CD8B2: variants seen among roughly 807,000 people sequenced by gnomAD.
The protein encoded by CD8B2 is T-cell surface glycoprotein CD8 beta-2 chain.
A neutral mutation model predicts 23.7 loss-of-function variants in CD8B2; 11 were observed. That is an observed-to-expected ratio of 0.46 (90% CI 0.29 to 0.77). The LOEUF (loss-of-function observed/expected upper bound fraction) is 0.77, where lower values mean the gene tolerates loss of function less well. Ranked by LOEUF, CD8B2 falls within the 30% of genes least tolerant of loss-of-function variation. The pLI is 0.09. For synonymous variants in CD8B2, 90 were observed against 109.3 expected (o/e 0.82, Z 1.10); for missense variants, 197 against 270.5 (o/e 0.73, Z 1.91).
intron 4 of CD8B2, 135 bp downstream of exon 4, chr2:106,502,698 C>T (rs577711895): frequency 3.5e-5 from 20 of 564,174 alleles, no homozygotes; most frequent in East Asian, 1.6e-4. Context: ...GCGGTATTTC[C>T]GGAGGTAGTT....
chr2:106,527,361 C>A (rs1679920703), intron 5 of CD8B2, among the ~76,000 whole-genome samples: 2 of 152,226 alleles, frequency 1.3e-5, no homozygotes, highest in Admixed American at 1.3e-4. Context: ...AACTCAGGCT[C>A]AGAACTTCTG....
Position 106,508,513 on chromosome 2 carries a change from G to C in CD8B2, c.*1573G>C, listed in dbSNP as rs1438371795. Reference sequence around the variant, plus strand: ...AAGTTGTCCAGGTCCTTGGCATTTTGAACAAAGAACTGAACAAAACATACA... The same window carrying C: ...AAGTTGTCCAGGTCCTTGGCATTTTCAACAAAGAACTGAACAAAACATACA... On this transcript the variant is annotated 3_prime_UTR_variant, in exon 6 of 6. Transcript: ENST00000643224. 29 of 152,034 alleles carry C rather than the reference G, an allele frequency of 1.9e-4. No homozygotes were observed. Among genetic ancestry groups the C allele is most frequent in the Admixed American group, 1.9e-3 (29 of 15,258 alleles). The allele number at this position is 152,034 out of a possible 1,614,324, so 9.4% of individuals were successfully genotyped here. A position where few individuals can be genotyped will look rare whatever the true frequency, so the allele number is the denominator to read the frequency against.
chr2:106,502,192 A>C (rs1558877830), intron 3 of CD8B2, among the ~76,000 whole-genome samples: 1 of 149,044 alleles, frequency 6.7e-6, no homozygotes, highest in Non-Finnish European at 1.5e-5. Flanking sequence ...GCTACTCGGG[A>C]GGCTAAGAAT....
rs1679561009 is a variant in CD8B2, at chr2:106,508,684, G to C, written c.*1744G>C. The C allele has an allele frequency of 6.6e-6, 1 of 152,216 alleles. No homozygotes were observed. Among genetic ancestry groups the C allele is most frequent in the African/African-American group, 2.4e-5 (1 of 41,454 alleles). 9.4% of individuals were successfully genotyped at this position (152,216 alleles called of 1,614,324 possible). Reference sequence around the variant, plus strand: ...TTTAAGTACCCCTTTTGAGGTACCTGTCGGCTACCCCTTAATCTGGGTGAA... The same window carrying C: ...TTTAAGTACCCCTTTTGAGGTACCTCTCGGCTACCCCTTAATCTGGGTGAA... On this transcript the variant is annotated 3_prime_UTR_variant, in exon 6 of 6. Coordinates refer to ENST00000643224, the MANE Select transcript of CD8B2 (RefSeq NM_001349727.2).
At chr2:106,522,265 C>G (rs948893269) in intron 5 of CD8B2, 18 of 152,064 alleles carry the variant, frequency 1.2e-4, no homozygotes, top group Non-Finnish European at 2.2e-4. Context: ...TATTTCCTCT[C>G]CCAAAATATG....
intron 5 of CD8B2, among the ~76,000 whole-genome samples, chr2:106,533,317 C>T (rs1427810496): frequency 6.6e-6 from 1 of 152,208 alleles, no homozygotes; most frequent in Non-Finnish European, 1.5e-5. Context: ...CAGGACGAAA[C>T]TCAGAGCCCT....
chr2:106,490,458 T>G (rs1679171534), intron 1 of CD8B2, among the ~76,000 whole-genome samples: 1 of 151,882 alleles, frequency 6.6e-6, no homozygotes, highest in South Asian at 2.1e-4. Context: ...GCCCAGGAGG[T>G]CAAGGCTGAA....
At chr2:106,517,183 A>G (rs953549080) in intron 5 of CD8B2, among the ~76,000 whole-genome samples, 1 of 151,582 alleles carries the variant, frequency 6.6e-6, no homozygotes, top group African/African-American at 2.4e-5. Context: ...TCTCACCCCC[A>G]GCTTGCTTCA....
At chr2:106,496,729 T>G (rs1055723621) in intron 3 of CD8B2, among the ~76,000 whole-genome samples, 49 of 151,818 alleles carry the variant, frequency 3.2e-4, no homozygotes, top group African/African-American at 1.1e-3. Flanking sequence ...AGAGACAGAA[T>G]GTAGATTGGT....
chr2:106,497,687 G>A lies in CD8B2; in HGVS notation c.493+1425G>A, dbSNP rs558169013. The stretch of plus-strand genomic sequence containing the variant: ...TGGGAGACCAGGGTGGGAAGCTGCC[G>A]TCACATGAGGTCACAGTAAAAAGAA... On this transcript the variant is annotated intron_variant, in intron 3 of 5. Coordinates refer to ENST00000643224, the MANE Select transcript of CD8B2 (RefSeq NM_001349727.2). Among the ~76,000 whole-genome samples, 19 of 152,290 alleles carry A rather than the reference G, an allele frequency of 1.2e-4. No individual in the cohort carries two copies. In the South Asian group the frequency reaches 2.9e-3, roughly 23 times the overall value.
intron 3 of CD8B2, 87 bp downstream of exon 3, chr2:106,496,349 T>C (rs1481210120): frequency 2.4e-5 from 32 of 1,349,452 alleles, no homozygotes; most frequent in Non-Finnish European, 3.0e-5. Flanking sequence ...CCCCAGGCAC[T>C]TTCCAAGTGT....
chr2:106,494,965 C>T (rs1679269586), intron 2 of CD8B2, among the ~76,000 whole-genome samples: 3 of 152,116 alleles, frequency 2.0e-5, no homozygotes, highest in Admixed American at 2.0e-4. Flanking sequence ...GAAAAGGGCA[C>T]CCCCTCCTTC....
chr2:106,493,220 G>A (rs903289548), intron 2 of CD8B2, among the ~76,000 whole-genome samples: 1 of 152,188 alleles, frequency 6.6e-6, no homozygotes, highest in African/African-American at 2.4e-5. Flanking sequence ...CCTTTTAGAG[G>A]ACAAAGCTGG....
chr2:106,536,168 G>C (rs187481395), intron 5 of CD8B2, among the ~76,000 whole-genome samples: 218 of 151,986 alleles, frequency 1.4e-3, no homozygotes, highest in African/African-American at 5.2e-3. Flanking sequence ...CTGAGTAGCT[G>C]GGATTACAGG....
At chr2:106,520,737 C>T (rs955331841) in intron 5 of CD8B2, among the ~76,000 whole-genome samples, 2 of 151,900 alleles carry the variant, frequency 1.3e-5, no homozygotes, top group Non-Finnish European at 2.9e-5. Context: ...GGATGTGGTG[C>T]CCCACACCTG....
chr2:106,491,059 A>G lies in CD8B2; in HGVS notation c.229A>G (p.Lys77Glu), dbSNP rs1679186312. ...HEFLTLWDSA[K>E]GTIHGEEVEQ... is the part of the protein sequence containing the mutation. ...GTTCCTGACCCTCTGGGATTCCGCA[A>G]AAGGGACTATCCACGGTGAAGAGGT... The change falls in exon 2 of 6, where the codon AAA becomes GAA. Residue 77 changes from lysine (K) to glutamate (E), a missense_variant. Around this residue, in one of 3 missense-constraint regions of CD8B2, gnomAD observed 140 missense variants for 164.2 expected, o/e 0.85. Transcript: ENST00000643224. The G allele has an allele frequency of 6.2e-6, 10 of 1,613,970 alleles. No individual in the cohort carries two copies. The highest frequency in any genetic ancestry group is 7.6e-6 in the Non-Finnish European group (9 of 1,179,832).
chr2:106,499,334 A>G (rs1679357298), intron 3 of CD8B2, among the ~76,000 whole-genome samples: 1 of 152,092 alleles, frequency 6.6e-6, no homozygotes, highest in South Asian at 2.1e-4. Context: ...GGAGTTCGAG[A>G]CCAGCCTGAT....
At chr2:106,520,784 C>T (rs4277520) in intron 5 of CD8B2, among the ~76,000 whole-genome samples, 149,953 of 152,134 alleles carry the variant, frequency 0.99, 73,933 homozygotes, top group East Asian at 1. Context: ...ACAGGAGAAT[C>T]GCTGGAACCT....
Position 106,490,358 on chromosome 2 carries a change from G to A in CD8B2, c.44-516G>A, listed in dbSNP as rs1197824295. ...GCCTCAGTTTCCTCATCTGTGTAACGAGGATTAAAAATCCTGGATCTATCC... is the reference window on the plus strand; with the variant it reads ...GCCTCAGTTTCCTCATCTGTGTAACAAGGATTAAAAATCCTGGATCTATCC... On this transcript the variant is annotated intron_variant, in intron 1 of 5. Transcript: ENST00000643224. 2.6e-5 allele frequency among the ~76,000 whole-genome samples: 4 copies of A among 152,046 alleles called. No homozygotes were observed. In the East Asian group the frequency reaches 7.7e-4, roughly 29 times the overall value.
Sources: gnomAD v4.1 joint callset for allele counts (sites outside exome capture counted in the v4.1 genomes callset) on GRCh38, gnomAD v4.1.1 for gene constraint, gnomAD v4.1.1 regional missense constraint, MANE v1.5 for transcripts, NCBI Gene and HGNC (gene_info 2026-07-23, HGNC 2026-07-21) for gene names.